NSUN6: variants seen among roughly 807,000 people sequenced by gnomAD.
The protein encoded by NSUN6 is tRNA (cytosine(72)-C(5))-methyltransferase NSUN6.
A neutral mutation model predicts 58.0 loss-of-function variants in NSUN6; 64 were observed. That is an observed-to-expected ratio of 1.10 (90% CI 0.90 to 1.36). The LOEUF (loss-of-function observed/expected upper bound fraction) is 1.36. NSUN6 is among the 40% of genes most tolerant of loss of function. The probability of loss-of-function intolerance (pLI) is 0.00; values close to 1 mark genes in which losing one functional copy is unlikely to be tolerated. For missense variants in NSUN6, 701 were observed against 550.1 expected (o/e 1.27, Z -2.74); for synonymous variants, 231 against 193.9 (o/e 1.19, Z -1.59).
chr10:18,585,283 A>T (rs1295254236), intron 8 of NSUN6, among the ~76,000 whole-genome samples: 2 of 152,206 alleles, frequency 1.3e-5, no homozygotes, highest in African/African-American at 4.8e-5. Flanking sequence ...AAATAGAACT[A>T]CCAAATTACC....
At chr10:18,629,765 T>C (rs1351810098) in intron 3 of NSUN6, among the ~76,000 whole-genome samples, 1 of 145,268 alleles carries the variant, frequency 6.9e-6, no homozygotes, top group African/African-American at 2.5e-5. Flanking sequence ...AAGTCCTGAG[T>C]GACCTACAAA....
intron 5 of NSUN6, among the ~76,000 whole-genome samples, chr10:18,612,442 T>G (rs567771798): frequency 6.6e-6 from 1 of 152,294 alleles, no homozygotes; most frequent in Non-Finnish European, 1.5e-5. Context: ...AAGTCAGTCC[T>G]TTGTTGTGAC....
intron 3 of NSUN6, among the ~76,000 whole-genome samples, chr10:18,620,630 G>A (rs551114829): frequency 6.6e-6 from 1 of 152,180 alleles, no homozygotes; most frequent in Admixed American, 6.5e-5. Context: ...CAGCCCTTCG[G>A]CCTAATTTCT....
intron 3 of NSUN6, among the ~76,000 whole-genome samples, chr10:18,640,319 G>A (rs2059353195): frequency 6.6e-6 from 1 of 152,146 alleles, no homozygotes; most frequent in Non-Finnish European, 1.5e-5. Flanking sequence ...GACAGGAGAT[G>A]TAACAGATGA....
At chr10:18,575,835 T>G (rs986899066) in intron 8 of NSUN6, among the ~76,000 whole-genome samples, 1 of 152,210 alleles carries the variant, frequency 6.6e-6, no homozygotes, top group Admixed American at 6.5e-5. Context: ...TCCTAAAAAA[T>G]TATATACTTG....
chr10:18,611,088 C>T (rs1174796114), intron 5 of NSUN6, among the ~76,000 whole-genome samples: 2 of 151,626 alleles, frequency 1.3e-5, no homozygotes, highest in African/African-American at 2.4e-5. Flanking sequence ...CCTGGCTACT[C>T]GGGAGACTGA....
chr10:18,586,952 G>C (rs894066871), intron 7 of NSUN6, among the ~76,000 whole-genome samples: 1 of 152,150 alleles, frequency 6.6e-6, no homozygotes, highest in African/African-American at 2.4e-5. Context: ...CAATCCTCTA[G>C]CTCGACAGAA....
intron 3 of NSUN6, among the ~76,000 whole-genome samples, chr10:18,620,644 C>T (rs11015185): frequency 0.051 from 7,778 of 152,278 alleles, 289 homozygotes; most frequent in Non-Finnish European, 0.077. Context: ...AATTTCTCCT[C>T]ACCTTCAAGA....
chr10:18,558,467 G>A (rs1269227193), intron 8 of NSUN6, among the ~76,000 whole-genome samples: 1 of 150,004 alleles, frequency 6.7e-6, no homozygotes, highest in East Asian at 2.0e-4. Flanking sequence ...GAATGGAGAA[G>A]GGAATGGAAA....
At chr10:18,618,439 T>G (rs917962862) in intron 3 of NSUN6, among the ~76,000 whole-genome samples, 1 of 152,122 alleles carries the variant, frequency 6.6e-6, no homozygotes, top group Non-Finnish European at 1.5e-5. Context: ...CCCAGTACTT[T>G]TGGAGGCTGA....
intron 3 of NSUN6, among the ~76,000 whole-genome samples, chr10:18,630,807 C>T (rs1248121539): frequency 6.6e-6 from 1 of 152,108 alleles, no homozygotes; most frequent in Non-Finnish European, 1.5e-5. Context: ...GATTCACAGC[C>T]AAATTCTACC....
chr10:18,598,054 A>C (rs548268936), intron 6 of NSUN6, among the ~76,000 whole-genome samples: 1 of 152,338 alleles, frequency 6.6e-6, no homozygotes, highest in South Asian at 2.1e-4. Flanking sequence ...GAAGATCCAC[A>C]AAAGAAGTGA....
intron 7 of NSUN6, among the ~76,000 whole-genome samples, chr10:18,593,503 G>C: frequency 6.6e-6 from 1 of 152,004 alleles, no homozygotes; most frequent in East Asian, 1.9e-4. Context: ...GTGGCACATA[G>C]ACACCATGGA....
At chr10:18,599,301 A>G (rs1340792942) in intron 6 of NSUN6, among the ~76,000 whole-genome samples, 1 of 152,180 alleles carries the variant, frequency 6.6e-6, no homozygotes, top group Non-Finnish European at 1.5e-5. Flanking sequence ...TATGTTGCCT[A>G]GGCTAGTCTC....
intron 8 of NSUN6, among the ~76,000 whole-genome samples, chr10:18,576,407 C>T (rs1221100370): frequency 1.3e-5 from 2 of 152,160 alleles, no homozygotes; most frequent in East Asian, 3.9e-4. Context: ...AACCAGGAGT[C>T]TTACCCTCAA....
At chr10:18,643,536 G>A (rs1590186046) in intron 2 of NSUN6, among the ~76,000 whole-genome samples, 1 of 152,018 alleles carries the variant, frequency 6.6e-6, no homozygotes, top group African/African-American at 2.4e-5. Flanking sequence ...GAAAATAATC[G>A]TGCATATTTT....
At chr10:18,610,714 A>G (rs756868244) in intron 5 of NSUN6, among the ~76,000 whole-genome samples, 1 of 152,178 alleles carries the variant, frequency 6.6e-6, no homozygotes, top group Non-Finnish European at 1.5e-5. Flanking sequence ...AAACATCACA[A>G]TCTCAGAGAT....
rs563260572 is a variant in NSUN6 at position 18,554,762 on chromosome 10, T to G, written c.923-2791A>C. 8.4e-5 allele frequency among the ~76,000 whole-genome samples: 12 copies of G among 143,050 alleles called. No individual in the cohort carries two copies. The East Asian group carries it at 1.1e-3, about 13-fold the overall frequency. 93.8% of individuals were successfully genotyped at this position (143,050 alleles called of 152,430 possible). ...TGGGAATGGAATGGAGAATGGAATG[T>G]AATGGAGAGTGGATGGAATGTATTA... On this transcript the variant is annotated intron_variant, in intron 8 of 10. Transcript: ENST00000377304.
chr10:18,588,743 C>G (rs749341974), intron 7 of NSUN6, among the ~76,000 whole-genome samples: 17 of 152,170 alleles, frequency 1.1e-4, no homozygotes, highest in Non-Finnish European at 2.5e-4. Context: ...AAAAGACCCC[C>G]ACAACAATCC....
Sources: gnomAD v4.1 joint callset for allele counts (sites outside exome capture counted in the v4.1 genomes callset) on GRCh38, gnomAD v4.1.1 for gene constraint, MANE v1.5 for transcripts, NCBI Gene and HGNC (gene_info 2026-07-23, HGNC 2026-07-21) for gene names.